The following COL9A1 variants were observed in gnomAD, a reference collection of about 807,000 sequenced individuals.
The protein encoded by COL9A1 is collagen alpha-1(IX) chain.
In COL9A1, 104 loss-of-function variants were observed where a neutral mutation model predicts 142.6. The ratio of observed to expected loss-of-function variants is 0.73; its 90% CI spans 0.62 to 0.86. The LOEUF is 0.86. Among genes scored for constraint, COL9A1 ranks in the 40% least tolerant of loss-of-function variants. The pLI is 0.00. For synonymous variants in COL9A1, 466 were observed against 396.0 expected (o/e 1.18, Z -2.10); for missense variants, 1,210 against 1,176.6 (o/e 1.03, Z -0.42).
chr6:70,295,757 T>C (rs574145393), intron 4 of COL9A1, among the ~76,000 whole-genome samples: 1 of 152,324 alleles, frequency 6.6e-6, no homozygotes, highest in African/African-American at 2.4e-5. Flanking sequence ...GCCAAGCTGC[T>C]AAAAGCTGAA....
At chr6:70,247,066 G>T (rs74690583) in intron 28 of COL9A1, among the ~76,000 whole-genome samples, 2 of 151,978 alleles carry the variant, frequency 1.3e-5, no homozygotes, top group East Asian at 1.9e-4. Flanking sequence ...TAAAGAAATC[G>T]GCCAAAACAT....
At chr6:70,238,037 G>A (rs1358093292) in intron 33 of COL9A1, among the ~76,000 whole-genome samples, 3 of 152,144 alleles carry the variant, frequency 2.0e-5, no homozygotes, top group East Asian at 3.9e-4. Flanking sequence ...TGAGGTTCGT[G>A]GAGCAAAGAA....
Position 70,247,846 on chromosome 6 carries a change from A to G in COL9A1, c.1872+4274T>C, listed in dbSNP as rs1770699341. ...TCTAACCATCACACACATCAGCTTCACAAATTATTGACAGAGGAAACATGC... is the reference window on the plus strand; with the variant it reads ...TCTAACCATCACACACATCAGCTTCGCAAATTATTGACAGAGGAAACATGC... On this transcript the variant is annotated intron_variant, in intron 28 of 37. Coordinates refer to ENST00000357250, the MANE Select transcript of COL9A1 (RefSeq NM_001851.6). 2.0e-5 allele frequency among the ~76,000 whole-genome samples: 3 copies of G among 152,236 alleles called. 1 individual carries two copies. In the South Asian group the frequency reaches 6.2e-4, roughly 31 times the overall value.
intron 36 of COL9A1, among the ~76,000 whole-genome samples, chr6:70,231,572 A>C (rs1769544909): frequency 6.6e-6 from 1 of 152,066 alleles, no homozygotes. Context: ...CCAAAAAAAA[A>C]TGTAATTAAA....
At chr6:70,269,255 C>T (rs548296616) in intron 16 of COL9A1, among the ~76,000 whole-genome samples, 1 of 152,276 alleles carries the variant, frequency 6.6e-6, no homozygotes, top group East Asian at 1.9e-4. Context: ...AGGTTCGTGT[C>T]TCCAATCAAA....
intron 2 of COL9A1, 91 bp from the exon 3 acceptor site, chr6:70,300,477 T>C: frequency 1.9e-6 from 1 of 527,030 alleles, no homozygotes; most frequent in Non-Finnish European, 2.9e-6. Context: ...ATAATAATAA[T>C]AAAATTTAGA....
intron 10 of COL9A1, among the ~76,000 whole-genome samples, chr6:70,276,839 G>A: frequency 6.6e-6 from 1 of 152,144 alleles, no homozygotes; most frequent in East Asian, 1.9e-4. Flanking sequence ...TAGCAGCTGT[G>A]GAATCATGGG....
rs2127589256 is a variant in COL9A1 at position 70,269,659 on chromosome 6, T to G, written c.1204A>C (p.Ile402Leu). Residue 402 changes from isoleucine (I) to leucine (L), a missense_variant, in exon 16 of 38, where the codon ATT becomes CTT. Physicochemically the swap from Ile to Leu is conservative, Grantham distance 5. Transcript: ENST00000357250. ...PPGPPGPRGT[I>L]GFHDGDPLCP... ...AATGGATCTCCATCATGAAAGCCAATTGTTCCCTAAAGTAAACAAAATATT... is the reference window on the plus strand; with the variant it reads ...AATGGATCTCCATCATGAAAGCCAAGTGTTCCCTAAAGTAAACAAAATATT... The G allele has an allele frequency of 1.3e-6, 2 of 1,590,482 alleles. No individual in the cohort carries two copies. Among genetic ancestry groups the G allele is most frequent in the Non-Finnish European group, 1.7e-6 (2 of 1,158,494 alleles).
At chr6:70,282,999 G>GAGCCCCAACAGCAGC (rs1356784820) in intron 6 of COL9A1, 81 bp from the exon 7 acceptor site, 2 of 1,613,634 alleles carry the variant, frequency 1.2e-6, no homozygotes, top group Non-Finnish European at 1.7e-6. Flanking sequence ...CGCACAAGCA[G>GAGCCCCAACAGCAGC]AGCCCCAACA....
chr6:70,286,262 A>G (rs2127601225), intron 5 of COL9A1, among the ~76,000 whole-genome samples: 1 of 152,326 alleles, frequency 6.6e-6, no homozygotes, highest in South Asian at 2.1e-4. Context: ...CCAGCTGACA[A>G]TACATTTAAG....
At chr6:70,231,715 T>TAA (rs36054852) in intron 36 of COL9A1, among the ~76,000 whole-genome samples, 120 of 144,388 alleles carry the variant, frequency 8.3e-4, no homozygotes, top group Non-Finnish European at 1.0e-3. Context: ...CCGCAGTACT[T>TAA]AAAAAAAAAA....
chr6:70,253,698 G>A (rs1272113585), intron 25 of COL9A1, among the ~76,000 whole-genome samples: 1 of 152,160 alleles, frequency 6.6e-6, no homozygotes, highest in African/African-American at 2.4e-5. Flanking sequence ...ACTTTTCAAG[G>A]ACAAACTTCC....
rs763616322 is a variant in COL9A1 at position 70,234,795 on chromosome 6, G to A, written c.2258C>T (p.Pro753Leu). 90 of 1,613,920 alleles carry A rather than the reference G, an allele frequency of 5.6e-5. No homozygotes were observed. Among genetic ancestry groups the A allele is most frequent in the South Asian group, 7.7e-5 (7 of 91,058 alleles). Residue 753 changes from proline (P) to leucine (L), a missense_variant and splice_region_variant, in exon 34 of 38, where the codon CCG (proline) becomes CTG (leucine). Physicochemically the swap from Pro to Leu is moderately conservative, Grantham distance 98. Coordinates refer to ENST00000357250, the MANE Select transcript of COL9A1 (RefSeq NM_001851.6). ...CCACAGAAGCTGCCCACCACTCACCGGAGGGCCCTGGACACCAGGCAGGCC... is the reference window on the plus strand; with the variant it reads ...CCACAGAAGCTGCCCACCACTCACCAGAGGGCCCTGGACACCAGGCAGGCC... Reference protein sequence around the residue: ...ATGLPGVQGPPGRAPTDQHIK... With the variant: ...ATGLPGVQGPLGRAPTDQHIK...
intron 10 of COL9A1, among the ~76,000 whole-genome samples, chr6:70,275,857 T>C (rs964025852): frequency 6.6e-6 from 1 of 152,122 alleles, no homozygotes; most frequent in Non-Finnish European, 1.5e-5. Context: ...GAGGGATCTC[T>C]TGAAAAATAT....
intron 33 of COL9A1, among the ~76,000 whole-genome samples, chr6:70,238,419 C>A (rs1483589314): frequency 6.6e-6 from 1 of 152,156 alleles, no homozygotes; most frequent in Non-Finnish European, 1.5e-5. Context: ...CTAAGGACAC[C>A]AGTTTAGTTT....
chr6:70,252,626 TCTTTC>T (rs1293551730), intron 26 of COL9A1, among the ~76,000 whole-genome samples: 1 of 152,226 alleles, frequency 6.6e-6, no homozygotes, highest in Non-Finnish European at 1.5e-5. Context: ...ATAATATATG[TCTTTC>T]CTTTACCATT....
intron 18 of COL9A1, among the ~76,000 whole-genome samples, chr6:70,264,944 T>C (rs1203288587): frequency 6.6e-6 from 1 of 152,110 alleles, no homozygotes; most frequent in African/African-American, 2.4e-5. Context: ...GCTCTTACCA[T>C]TCTGTTTTCA....
intron 5 of COL9A1, among the ~76,000 whole-genome samples, chr6:70,292,011 G>T (rs1045091465): frequency 2.0e-5 from 3 of 152,110 alleles, no homozygotes; most frequent in African/African-American, 7.2e-5. Flanking sequence ...CTTTGAATTG[G>T]TATATTAAGC....
intron 36 of COL9A1, among the ~76,000 whole-genome samples, chr6:70,231,026 C>T (rs1482377614): frequency 3.3e-5 from 5 of 152,154 alleles, no homozygotes; most frequent in African/African-American, 7.2e-5. Context: ...GGAAAATGGG[C>T]GATTGCTCCA....
Sources: gnomAD v4.1 joint callset for allele counts (sites outside exome capture counted in the v4.1 genomes callset) on GRCh38, gnomAD v4.1.1 for gene constraint, MANE v1.5 for transcripts, NCBI Gene and HGNC (gene_info 2026-07-23, HGNC 2026-07-21) for gene names.